BBOX1: variants seen among roughly 807,000 people sequenced by gnomAD.
The protein encoded by BBOX1 is gamma-butyrobetaine hydroxylase 1, also known as gamma-butyrobetaine dioxygenase.
Under a neutral mutation model 41.6 loss-of-function variants are expected in BBOX1, and 35 were observed. The observed-to-expected ratio is 0.84, with a 90% CI of 0.64 to 1.11. The LOEUF (loss-of-function observed/expected upper bound fraction) is 1.11, where lower values mean the gene tolerates loss of function less well. BBOX1 is among the 50% of genes most tolerant of loss of function. BBOX1 has a pLI of 0.00. For missense variants in BBOX1, 458 were observed against 460.6 expected (o/e 0.99, Z 0.05); for synonymous variants, 163 against 154.7 (o/e 1.05, Z -0.40).
intron 4 of BBOX1, among the ~76,000 whole-genome samples, chr11:27,057,838 G>A (rs73430311): frequency 1.3e-5 from 2 of 151,960 alleles, no homozygotes; most frequent in South Asian, 2.1e-4. Flanking sequence ...ACAAAGCCAC[G>A]TTTGTCTAGG....
intron 7 of BBOX1, among the ~76,000 whole-genome samples, chr11:27,121,122 G>C (rs543366120): frequency 1.4e-3 from 210 of 152,188 alleles, no homozygotes; most frequent in Non-Finnish European, 2.4e-3. Context: ...ACTGAGATTT[G>C]AGCAAACACT....
intron 2 of BBOX1, among the ~76,000 whole-genome samples, chr11:27,043,425 G>A (rs1313182969): frequency 6.6e-6 from 1 of 151,868 alleles, no homozygotes; most frequent in Non-Finnish European, 1.5e-5. Flanking sequence ...GCACGTTTGG[G>A]GTACATGTGC....
intron 2 of BBOX1, 114 bp from the exon 3 acceptor site, chr11:27,055,277 ACT>A: frequency 1.6e-6 from 1 of 640,936 alleles, no homozygotes; most frequent in South Asian, 2.3e-5. Flanking sequence ...CAAACCGCAG[ACT>A]CTGACAGCTG....
intron 4 of BBOX1, among the ~76,000 whole-genome samples, chr11:27,065,665 T>C (rs896580566): frequency 6.6e-6 from 1 of 152,288 alleles, no homozygotes; most frequent in South Asian, 2.1e-4. Flanking sequence ...ACTCCATCCA[T>C]ACTTCCAGCT....
intron 4 of BBOX1, among the ~76,000 whole-genome samples, chr11:27,087,558 G>T (rs534143415): frequency 7.9e-5 from 12 of 152,180 alleles, no homozygotes; most frequent in Non-Finnish European, 1.8e-4. Flanking sequence ...CAAAAATTCT[G>T]CATGACTCAC....
intron 6 of BBOX1, among the ~76,000 whole-genome samples, chr11:27,116,574 G>T (rs1859271857): frequency 6.6e-6 from 1 of 151,842 alleles, no homozygotes; most frequent in South Asian, 2.1e-4. Flanking sequence ...CAGCTAGGCA[G>T]CTCCTGTCTT....
chr11:27,108,459 G>A (rs1181549574), intron 5 of BBOX1, among the ~76,000 whole-genome samples: 1 of 151,992 alleles, frequency 6.6e-6, no homozygotes, highest in African/African-American at 2.4e-5. Flanking sequence ...TTACTTTTTT[G>A]ATCTCCTTAA....
chr11:27,057,798 T>TTGTC (rs113198131), intron 4 of BBOX1, among the ~76,000 whole-genome samples: 150,070 of 151,986 alleles, frequency 0.99, 74,120 homozygotes, highest in Middle Eastern at 1. Context: ...GTGGGACAAT[T>TTGTC]TGTGTGTGTG....
intron 2 of BBOX1, among the ~76,000 whole-genome samples, chr11:27,043,079 T>A (rs1439511125): frequency 2.6e-5 from 4 of 152,254 alleles, no homozygotes; most frequent in African/African-American, 9.6e-5. Flanking sequence ...TTATTTTTTT[T>A]TTGAGACGGA....
chr11:27,097,619 A>G (rs778721237), intron 5 of BBOX1, among the ~76,000 whole-genome samples: 61 of 152,042 alleles, frequency 4.0e-4, no homozygotes, highest in Non-Finnish European at 4.3e-4. Flanking sequence ...CTAGGCCAAT[A>G]AAAATTCCAT....
At chr11:27,070,993 T>G (rs1413136670) in intron 4 of BBOX1, among the ~76,000 whole-genome samples, 1 of 152,166 alleles carries the variant, frequency 6.6e-6, no homozygotes, top group Admixed American at 6.5e-5. Flanking sequence ...CAGCATTTGC[T>G]TGTCTGAAAA....
intron 4 of BBOX1, among the ~76,000 whole-genome samples, chr11:27,070,116 T>C (rs1357370287): frequency 6.6e-6 from 1 of 152,168 alleles, no homozygotes. Context: ...TATTCCACTG[T>C]GTTCTGAGAG....
At chr11:27,070,058 T>G (rs1038699673) in intron 4 of BBOX1, among the ~76,000 whole-genome samples, 1 of 152,162 alleles carries the variant, frequency 6.6e-6, no homozygotes, top group Admixed American at 6.5e-5. Flanking sequence ...TTAATTTCCA[T>G]GGGTTTGTAT....
chr11:27,097,777 G>T (rs935662263), intron 5 of BBOX1, among the ~76,000 whole-genome samples: 1 of 152,068 alleles, frequency 6.6e-6, no homozygotes, highest in Middle Eastern at 3.4e-3. Context: ...GGTCAAGATG[G>T]GGAAATACTC....
intron 5 of BBOX1, among the ~76,000 whole-genome samples, chr11:27,096,866 A>C (rs923103708): frequency 3.9e-5 from 6 of 152,068 alleles, no homozygotes; most frequent in African/African-American, 1.4e-4. Context: ...ATTATAAACT[A>C]TGTTCAACTA....
At chr11:27,068,827 G>A (rs1445677391) in intron 4 of BBOX1, among the ~76,000 whole-genome samples, 2 of 151,930 alleles carry the variant, frequency 1.3e-5, no homozygotes, top group Non-Finnish European at 2.9e-5. Flanking sequence ...ATTAAATAAG[G>A]TATCTTTTCC....
At chr11:27,103,078 T>G (rs887399464) in intron 5 of BBOX1, among the ~76,000 whole-genome samples, 3 of 151,938 alleles carry the variant, frequency 2.0e-5, no homozygotes, top group African/African-American at 7.3e-5. Flanking sequence ...TAATTCCAGC[T>G]ACTTGGGAGG....
At chr11:27,052,709 T>C (rs2133954982) in intron 2 of BBOX1, among the ~76,000 whole-genome samples, 1 of 152,244 alleles carries the variant, frequency 6.6e-6, no homozygotes, top group Non-Finnish European at 1.5e-5. Flanking sequence ...AATAAAGGTT[T>C]AAATAAGTAA....
intron 5 of BBOX1, among the ~76,000 whole-genome samples, chr11:27,097,723 AG>A (rs1407303027): frequency 2.0e-5 from 3 of 152,032 alleles, no homozygotes; most frequent in African/African-American, 7.2e-5. Flanking sequence ...CAGTTCAAAG[AG>A]GGTGGATAAC....
Sources: allele counts gnomAD v4.1 joint callset (sites outside exome capture counted in the v4.1 genomes callset), GRCh38; gene constraint gnomAD v4.1.1; transcripts MANE v1.5; gene names NCBI Gene and HGNC (gene_info 2026-07-23, HGNC 2026-07-21).